NEBL: variants seen among roughly 807,000 people sequenced by gnomAD.
The protein encoded by NEBL is nebulette, also known as LIM and SH3 protein 2.
In NEBL, 122 loss-of-function variants were observed where a neutral mutation model predicts 140.2. The observed-to-expected ratio is 0.87, with a 90% CI of 0.75 to 1.01. The LOEUF is 1.01. Ranked by LOEUF, NEBL falls within the 50% of genes least tolerant of loss-of-function variation. NEBL has a pLI of 0.00. For synonymous variants in NEBL, 436 were observed against 398.9 expected (o/e 1.09, Z -1.11); for missense variants, 1,365 against 1,231.3 (o/e 1.11, Z -1.62).
chr10:21,132,901 T>A (rs889300580), intron 2 of NEBL, among the ~76,000 whole-genome samples: 7 of 152,246 alleles, frequency 4.6e-5, no homozygotes, highest in Non-Finnish European at 1.0e-4. Flanking sequence ...AAGAATGATC[T>A]GCAAATATTT....
intron 1 of NEBL, among the ~76,000 whole-genome samples, chr10:21,272,313 A>G (rs1842870899): frequency 6.6e-6 from 1 of 152,064 alleles, no homozygotes; most frequent in Non-Finnish European, 1.5e-5. Flanking sequence ...CACCTGCTGT[A>G]GTGGCTCACA....
chr10:21,193,646 C>T (rs1319991488), intron 3 of NEBL, among the ~76,000 whole-genome samples: 2 of 152,186 alleles, frequency 1.3e-5, no homozygotes, highest in Non-Finnish European at 2.9e-5. Context: ...AATTCCACAA[C>T]CTCATTTTGA....
At chr10:20,801,699 T>G (rs1837137345) in intron 26 of NEBL, among the ~76,000 whole-genome samples, 1 of 151,860 alleles carries the variant, frequency 6.6e-6, no homozygotes, top group East Asian at 1.9e-4. Context: ...GAGTTATGGG[T>G]ACCAGTAAAA....
intron 3 of NEBL, among the ~76,000 whole-genome samples, chr10:21,182,940 A>G (rs1841409166): frequency 6.6e-6 from 1 of 152,222 alleles, no homozygotes; most frequent in African/African-American, 2.4e-5. Flanking sequence ...AAATTGGACT[A>G]GCCACATTGC....
At chr10:20,819,627 G>A in intron 19 of NEBL, 111 bp from the exon 20 acceptor site, 2 of 1,306,032 alleles carry the variant, frequency 1.5e-6, no homozygotes, top group Non-Finnish European at 2.2e-6. Context: ...TCATTAATAA[G>A]ATCATCATCA....
intron 2 of NEBL, among the ~76,000 whole-genome samples, chr10:21,155,361 A>G (rs1840299796): frequency 6.6e-6 from 1 of 152,114 alleles, no homozygotes; most frequent in Non-Finnish European, 1.5e-5. Flanking sequence ...TGTGCTATCA[A>G]ATACCAGGTC....
chr10:21,185,945 T>C (rs1018887677), intron 3 of NEBL, among the ~76,000 whole-genome samples: 10 of 152,206 alleles, frequency 6.6e-5, no homozygotes, highest in Admixed American at 2.6e-4. Flanking sequence ...ATTTCAGTTA[T>C]ATTCCTGCTG....
chr10:21,184,315 T>C (rs1301353714), intron 3 of NEBL, among the ~76,000 whole-genome samples: 2 of 152,234 alleles, frequency 1.3e-5, no homozygotes, highest in Admixed American at 1.3e-4. Flanking sequence ...TAACCCATGC[T>C]AACCCATTGC....
At chr10:21,144,373 A>G (rs1292663229) in intron 2 of NEBL, among the ~76,000 whole-genome samples, 2 of 152,222 alleles carry the variant, frequency 1.3e-5, no homozygotes, top group South Asian at 4.1e-4. Flanking sequence ...TCGCCCTACA[A>G]GGTAACGCAC....
chr10:21,164,830 A>T (rs1343316657), intron 2 of NEBL, among the ~76,000 whole-genome samples: 1 of 152,226 alleles, frequency 6.6e-6, no homozygotes, highest in East Asian at 1.9e-4. Flanking sequence ...TCATCCAATT[A>T]TAACCCAAAA....
At chr10:21,154,789 T>C (rs1308785984) in intron 2 of NEBL, among the ~76,000 whole-genome samples, 2 of 152,206 alleles carry the variant, frequency 1.3e-5, no homozygotes, top group Non-Finnish European at 2.9e-5. Flanking sequence ...GCATTCCAAT[T>C]TGAAATATAT....
chr10:21,219,735 A>G (rs1842041098), intron 3 of NEBL, among the ~76,000 whole-genome samples: 1 of 151,942 alleles, frequency 6.6e-6, no homozygotes, highest in Non-Finnish European at 1.5e-5. Context: ...ATGTTTTTTC[A>G]CTTATTTGTG....
chr10:20,815,065 G>A (rs1348883254), intron 22 of NEBL, among the ~76,000 whole-genome samples: 1 of 152,190 alleles, frequency 6.6e-6, no homozygotes, highest in Non-Finnish European at 1.5e-5. Flanking sequence ...GTGGACCTGA[G>A]GGCATTATGT....
At chr10:21,100,386 T>C (rs1487711634) in intron 2 of NEBL, among the ~76,000 whole-genome samples, 1 of 152,242 alleles carries the variant, frequency 6.6e-6, no homozygotes, top group Non-Finnish European at 1.5e-5. Context: ...TCGCAAACTC[T>C]GCTCCATTGT....
chr10:20,790,614 C>A (rs1207327451), intron 26 of NEBL, among the ~76,000 whole-genome samples: 1,709 of 144,274 alleles, frequency 0.012, 40 homozygotes, highest in African/African-American at 0.04. Flanking sequence ...AAAAAAAAAA[C>A]AAAACAAACA....
At chr10:21,199,429 G>C (rs1841700360) in intron 3 of NEBL, among the ~76,000 whole-genome samples, 1 of 152,112 alleles carries the variant, frequency 6.6e-6, no homozygotes, top group Non-Finnish European at 1.5e-5. Flanking sequence ...AAATCCCAAA[G>C]TCTTTACCAA....
chr10:20,868,300 A>C (rs1291098673), intron 7 of NEBL: 1 of 141,068 alleles, frequency 7.1e-6, no homozygotes, highest in African/African-American at 2.8e-5. Flanking sequence ...TTTTATTACT[A>C]AGTTAAAAAC....
intron 2 of NEBL, among the ~76,000 whole-genome samples, chr10:21,095,609 A>T (rs956738315): frequency 7.2e-5 from 11 of 152,224 alleles, no homozygotes; most frequent in Non-Finnish European, 1.5e-4. Context: ...CCAAACAAGA[A>T]TGGCAATTTT....
At chr10:21,060,539 C>G (rs1835226915) in intron 2 of NEBL, among the ~76,000 whole-genome samples, 1 of 152,076 alleles carries the variant, frequency 6.6e-6, no homozygotes, top group African/African-American at 2.4e-5. Context: ...TCTCCTTTTC[C>G]TGTAATATTT....
Sources: allele counts gnomAD v4.1 joint callset (sites outside exome capture counted in the v4.1 genomes callset), GRCh38; gene constraint gnomAD v4.1.1; transcripts MANE v1.5; gene names NCBI Gene and HGNC (gene_info 2026-07-23, HGNC 2026-07-21).